The following PRAMEF11 variants were observed in gnomAD, a reference collection of about 807,000 sequenced individuals.
The protein encoded by PRAMEF11 is PRAME family member 11.
A neutral mutation model predicts 33.6 loss-of-function variants in PRAMEF11; 17 were observed. That is an observed-to-expected ratio of 0.51 (90% CI 0.35 to 0.76). The LOEUF (loss-of-function observed/expected upper bound fraction) is 0.76. Ranked by LOEUF, PRAMEF11 falls within the 30% of genes least tolerant of loss-of-function variation. The pLI, the probability that PRAMEF11 is intolerant of heterozygous loss-of-function variation, is 0.01. For synonymous variants in PRAMEF11, 205 were observed against 227.3 expected, an observed-to-expected ratio of 0.90 and a Z score of 0.88; for missense variants, 568 against 567.0, an observed-to-expected ratio of 1.00 and a Z score of -0.02.
At chr1:12,830,491 T>A (rs994717567) in intron 1 of PRAMEF11, among the ~76,000 whole-genome samples, 1 of 151,304 alleles carries the variant, frequency 6.6e-6, no homozygotes, top group African/African-American at 2.4e-5. Context: ...TGGTTTAAAA[T>A]TAAGGTCAAA....
At position 12,824,980 on chromosome 1, in the gene PRAMEF11, A is replaced by T. The variant is rs1435439578; in HGVS notation, c.1399T>A (p.Ser467Thr). ...TGATCTGCCTCCAGGTCATAAAATG[A>T]CCTGTCGCCATGGTCAGGGCAGTTG... The part of the protein sequence containing the change: ...TDNCPDHGDR[S>T]FYDLEADQYC... Residue 467 changes from serine (S) to threonine (T), a missense_variant, in exon 4 of 4, where the codon TCA becomes ACA. By Grantham distance (58) the Ser-to-Thr change is moderately conservative. Around this residue, in one of 3 missense-constraint regions of PRAMEF11, gnomAD observed 174 missense variants for 127.2 expected, o/e 1.37. Transcript: ENST00000619922. The T allele has an allele frequency of 6.2e-7, 1 of 1,608,932 alleles. No individual in the cohort carries two copies. The highest frequency in any genetic ancestry group is 1.7e-5 in the Admixed American group (1 of 59,494).
At chr1:12,825,889 G>C (rs1256382512) in intron 3 of PRAMEF11, among the ~76,000 whole-genome samples, 1 of 150,070 alleles carries the variant, frequency 6.7e-6, no homozygotes, top group East Asian at 2.0e-4. Context: ...CAGAAGAATC[G>C]CTTGAACCCA....
Position 12,824,918 on chromosome 1 carries a change from A to C in PRAMEF11, c.*24T>G, listed in dbSNP as rs1426306106. On this transcript the variant is annotated 3_prime_UTR_variant, in exon 4 of 4. Coordinates refer to ENST00000619922, the MANE Select transcript of PRAMEF11 (RefSeq NM_001146344.3). The stretch of plus-strand genomic sequence containing the variant: ...AAGTGTCCAGAAGAAAGCGTTTGAC[A>C]TACCCATCCAAATAGGCAGGCATTC... 1 of 1,607,734 alleles carries C rather than the reference A, an allele frequency of 6.2e-7. No individual in the cohort carries two copies. Among genetic ancestry groups the C allele is most frequent in the South Asian group, 1.1e-5 (1 of 90,344 alleles).
chr1:12,831,299 C>T (rs1310330224), intron 1 of PRAMEF11, 57 bp downstream of exon 1: 1 of 151,098 alleles, frequency 6.6e-6, no homozygotes, highest in African/African-American at 2.4e-5. Context: ...TGTCACCATC[C>T]CAGACTGACT....
rs1216174616 is a variant in PRAMEF11, at chr1:12,828,000, T to TC, written c.294-171_294-170insG. On this transcript the variant is annotated intron_variant, in intron 2 of 3. Coordinates refer to ENST00000619922, the MANE Select transcript of PRAMEF11 (RefSeq NM_001146344.3). ...CCACTTCCACATTTTTTTGTTTTTT[T>TC]TTTGAGACCAAGTCTCCTTCTGTCG... Among the ~76,000 whole-genome samples, 3 of 150,186 alleles carry TC rather than the reference T, an allele frequency of 2.0e-5. No individual in the cohort carries two copies. The East Asian group carries it at 5.9e-4, about 30-fold the overall frequency.
intron 2 of PRAMEF11, 58 bp from the exon 3 acceptor site, chr1:12,827,888 C>G: frequency 6.3e-7 from 1 of 1,599,674 alleles, no homozygotes; most frequent in Non-Finnish European, 8.5e-7. Context: ...AACTTAAACT[C>G]CACATCCTGC....
rs1318198104 is a variant in PRAMEF11 at position 12,828,431 on chromosome 1, A to G, written c.293+66T>C. 28 of 1,524,406 alleles carry G rather than the reference A, an allele frequency of 1.8e-5. 1 individual carries two copies. The highest frequency in any genetic ancestry group is 1.7e-4 in the Admixed American group (9 of 51,558). 94.4% of individuals were successfully genotyped at this position (1,524,406 alleles called of 1,614,324 possible). A position where few individuals can be genotyped will look rare whatever the true frequency, so the allele number is the denominator to read the frequency against. The stretch of plus-strand genomic sequence containing the variant: ...TCCCCCTTGGGCCTCCTCACTTCAC[A>G]TGACCCAGCTGTTCCTTCAGTTGGA... On this transcript the variant is annotated intron_variant, in intron 2 of 3. Transcript: ENST00000619922.
chr1:12,825,123 T>C lies in PRAMEF11; in HGVS notation c.1256A>G (p.Gln419Arg), dbSNP rs4989318. Residue 419 changes from glutamine to arginine, a missense_variant, in exon 4 of 4, where the codon CAG (glutamine) becomes CGG (arginine). This residue lies in a region of PRAMEF11 where 174 missense variants were observed against 127.2 expected (regional missense o/e 1.37). Coordinates refer to ENST00000619922, the MANE Select transcript of PRAMEF11 (RefSeq NM_001146344.3). ...NLCLELYPAPQESYGADGTLC... is the reference protein window; with the variant it reads ...NLCLELYPAPRESYGADGTLC... ...AGTACCATCAGCACCATAACTTTCC[T>C]GCGGGGCAGGATACAGCTCCAGGCA... The C allele has an allele frequency of 0.045, 72,581 of 1,609,312 alleles. 4,422 individuals carry two copies. The highest frequency in any genetic ancestry group is 0.052 in the Non-Finnish European group (60,666 of 1,177,668).
Position 12,828,780 on chromosome 1 carries a change from T to C in PRAMEF11, c.10A>G (p.Ser4Gly), listed in dbSNP as rs753635464. Residue 4 changes from serine (S) to glycine (G), a missense_variant, in exon 2 of 4, where the codon AGC (serine) becomes GGC (glycine). Coordinates refer to ENST00000619922, the MANE Select transcript of PRAMEF11 (RefSeq NM_001146344.3). ...AGGAGTCTGGGTGGAATCCGGATGC[T>C]CATCTTCATGAATCTGCAGGGAAAA... Reference protein sequence around the residue: MKMSIRIPPRLLEL... With the variant: MKMGIRIPPRLLEL... 6.2e-7 allele frequency: 1 copy of C among 1,609,436 alleles called. No homozygotes were observed. Among genetic ancestry groups the C allele is most frequent in the Non-Finnish European group, 8.5e-7 (1 of 1,178,016 alleles).
At chr1:12,828,258 G>T (rs1265494413) in intron 2 of PRAMEF11, among the ~76,000 whole-genome samples, 2 of 147,420 alleles carry the variant, frequency 1.4e-5, no homozygotes, top group East Asian at 2.0e-4. Flanking sequence ...GAGCCACCGT[G>T]CCCGGCCCAG....
At chr1:12,825,852 C>A (rs367608774) in intron 3 of PRAMEF11, among the ~76,000 whole-genome samples, 2 of 150,398 alleles carry the variant, frequency 1.3e-5, no homozygotes, top group African/African-American at 4.9e-5. Context: ...CGGGAGCCTG[C>A]AATTCCAGCT....
chr1:12,830,447 G>A (rs139722010), intron 1 of PRAMEF11, among the ~76,000 whole-genome samples: 1 of 151,294 alleles, frequency 6.6e-6, no homozygotes, highest in African/African-American at 2.4e-5. Flanking sequence ...ACCCCCCACA[G>A]CCATGTCTCC....
At chr1:12,828,039 G>A (rs1639913763) in intron 2 of PRAMEF11, among the ~76,000 whole-genome samples, 1 of 149,306 alleles carries the variant, frequency 6.7e-6, no homozygotes, top group Admixed American at 6.7e-5. Flanking sequence ...AGGCTAGAGT[G>A]CAGTGGTGTG....
chr1:12,826,935 T>C (rs1192536657), intron 3 of PRAMEF11, among the ~76,000 whole-genome samples: 2 of 151,224 alleles, frequency 1.3e-5, no homozygotes, highest in African/African-American at 4.8e-5. Context: ...CTATTTTTCA[T>C]CATCTTAACT....
intron 3 of PRAMEF11, among the ~76,000 whole-genome samples, chr1:12,826,207 C>T (rs906678334): frequency 2.0e-5 from 3 of 151,094 alleles, no homozygotes; most frequent in Non-Finnish European, 4.4e-5. Flanking sequence ...CCTGACACAC[C>T]TGTATCATCA....
intron 3 of PRAMEF11, among the ~76,000 whole-genome samples, chr1:12,826,583 G>T (rs1248127681): frequency 6.6e-6 from 1 of 151,020 alleles, no homozygotes; most frequent in Non-Finnish European, 1.5e-5. Context: ...CCAAAATGGT[G>T]AAAACCTGTC....
chr1:12,826,810 T>C (rs1639878943), intron 3 of PRAMEF11, among the ~76,000 whole-genome samples: 1 of 151,314 alleles, frequency 6.6e-6, no homozygotes, highest in Non-Finnish European at 1.5e-5. Flanking sequence ...TATTCATTTC[T>C]GACAGGGGTC....
intron 2 of PRAMEF11, 89 bp downstream of exon 2, chr1:12,828,408 C>T: frequency 7.0e-7 from 1 of 1,436,078 alleles, no homozygotes; most frequent in South Asian, 1.3e-5. Flanking sequence ...CACCACCATC[C>T]CCCTTGGGCC....
At position 12,826,194 on chromosome 1, in the gene PRAMEF11, G is replaced by A. The variant is rs571416012; in HGVS notation, c.876-691C>T. On this transcript the variant is annotated intron_variant, in intron 3 of 3. Coordinates refer to ENST00000619922, the MANE Select transcript of PRAMEF11 (RefSeq NM_001146344.3). ...CAGCTGGGGTGGGCAGGCTGCAGGCGTCCCTGACACACCTGTATCATCAGC... is the reference window on the plus strand; with the variant it reads ...CAGCTGGGGTGGGCAGGCTGCAGGCATCCCTGACACACCTGTATCATCAGC... Among the ~76,000 whole-genome samples the A allele has an allele frequency of 6.6e-5, 10 of 151,134 alleles. 1 individual carries two copies. The highest frequency in any genetic ancestry group is 4.3e-4 in the South Asian group (2 of 4,676).
Sources: gnomAD v4.1 joint callset for allele counts (sites outside exome capture counted in the v4.1 genomes callset) on GRCh38, gnomAD v4.1.1 for gene constraint, gnomAD v4.1.1 regional missense constraint, MANE v1.5 for transcripts, NCBI Gene and HGNC (gene_info 2026-07-23, HGNC 2026-07-21) for gene names.